Variants in KCNN2 observed in about 807,000 individuals in gnomAD.
The protein encoded by KCNN2 is potassium calcium-activated channel subfamily N member 2, also known as small conductance calcium-activated potassium channel protein 2.
Under a neutral mutation model 55.5 loss-of-function variants are expected in KCNN2, and 24 were observed. The observed-to-expected ratio is 0.43, with a 90% confidence interval of 0.31 to 0.61. The LOEUF is 0.61. Ranked by LOEUF, KCNN2 falls within the 20% of genes least tolerant of loss-of-function variation. The pLI, the probability that KCNN2 is intolerant of heterozygous loss-of-function variation, is 0.08. For missense variants in KCNN2, 754 were observed against 853.6 expected (o/e 0.88, Z 1.45); for synonymous variants, 431 against 336.1 (o/e 1.28, Z -3.09).
chr5:114,348,742 A>C (rs1757158526), intron 2 of KCNN2, among the ~76,000 whole-genome samples: 1 of 152,178 alleles, frequency 6.6e-6, no homozygotes, highest in African/African-American at 2.4e-5. Flanking sequence ...AAATGCATAG[A>C]TGATAGTCAC....
At chr5:114,097,098 G>A (rs1013923204) in intron 1 of KCNN2, among the ~76,000 whole-genome samples, 2 of 152,152 alleles carry the variant, frequency 1.3e-5, no homozygotes, top group African/African-American at 2.4e-5. Context: ...TATCCTGAAA[G>A]TATTAGATCC....
chr5:114,453,677 CCTCTT>C lies in KCNN2; in HGVS notation c.1638-9366_1638-9362del, dbSNP rs958380717. On this transcript the variant is annotated intron_variant, in intron 3 of 7. Transcript: ENST00000673685. The stretch of plus-strand genomic sequence containing the variant: ...TCTGAGAATGTATCTTTTTTGTTCT[CCTCTT>C]CTCTTTTTGCTTTTTTCTACTTTCT... Among the ~76,000 whole-genome samples the C allele has an allele frequency of 4.1e-4, 63 of 151,842 alleles. 1 individual carries two copies. Among genetic ancestry groups the C allele is most frequent in the African/African-American group, 1.4e-3 (60 of 41,404 alleles).
chr5:114,409,616 G>T (rs1045336678), intron 3 of KCNN2, among the ~76,000 whole-genome samples: 3 of 152,140 alleles, frequency 2.0e-5, no homozygotes, highest in Non-Finnish European at 4.4e-5. Context: ...TATCTAAAAA[G>T]AGACTTAGAT....
chr5:114,309,946 C>T (rs937137215), intron 2 of KCNN2, among the ~76,000 whole-genome samples: 1 of 152,184 alleles, frequency 6.6e-6, no homozygotes, highest in East Asian at 1.9e-4. Context: ...AACAACTCTG[C>T]TGTCCTTCAG....
At chr5:114,379,458 TTA>T (rs1758037829) in intron 2 of KCNN2, among the ~76,000 whole-genome samples, 1 of 123,518 alleles carries the variant, frequency 8.1e-6, no homozygotes. Context: ...ATAGAATATA[TTA>T]TATAACATAT....
rs774956540 is a variant in KCNN2 at position 114,463,190 on chromosome 5, G to GGTAA, written c.1779+3_1779+6dup. On this transcript the variant is annotated frameshift_variant and splice_region_variant. Coordinates refer to ENST00000673685, the MANE Select transcript of KCNN2 (RefSeq NM_021614.4). LOFTEE classifies it high-confidence loss of function. ...GAGTCTGCTTACTTACTGGAATTATGGTAAGTGTCTTTATACTTCACATCT... is the reference window on the plus strand; with the variant it reads ...GAGTCTGCTTACTTACTGGAATTATGGTAAGTAAGTGTCTTTATACTTCACATCT... 64 of 1,609,992 alleles carry GGTAA rather than the reference G, an allele frequency of 4.0e-5. No homozygotes were observed. Among genetic ancestry groups the GGTAA allele is most frequent in the Middle Eastern group, 1.7e-4 (1 of 6,054 alleles).
chr5:114,062,381 C>T (rs1167545456), intron 1 of KCNN2, among the ~76,000 whole-genome samples: 1 of 152,166 alleles, frequency 6.6e-6, no homozygotes, highest in East Asian at 1.9e-4. Flanking sequence ...CACCCTACCT[C>T]CACAGACCTG....
chr5:114,472,725 T>TATTATAATTATAGGTATATA (rs1761807857), intron 4 of KCNN2, among the ~76,000 whole-genome samples: 1 of 152,220 alleles, frequency 6.6e-6, no homozygotes, highest in Non-Finnish European at 1.5e-5. Flanking sequence ...TATTTGTTCC[T>TATTATAATTATAGGTATATA]ATTATAATTA....
At chr5:114,403,989 G>A (rs991894726) in intron 2 of KCNN2, among the ~76,000 whole-genome samples, 3 of 152,196 alleles carry the variant, frequency 2.0e-5, no homozygotes, top group African/African-American at 7.2e-5. Context: ...CTCATGTGTT[G>A]TTGCATTATA....
In KCNN2 at chr5:114,143,985, A is replaced by C. The variant is rs1033702640; in HGVS notation, c.-270-77495A>C. ...AAAATTAACGATTGTGGATCCTCCC[A>C]AAAATTTTACCCATTGAATGGTGTT... is the stretch of plus-strand genomic sequence containing the variant. On this transcript the variant is annotated intron_variant, in intron 1 of 10. Coordinates refer to the KCNN2 transcript ENST00000512097. Among the ~76,000 whole-genome samples the C allele has an allele frequency of 2.9e-3, 443 of 152,322 alleles. 4 individuals are homozygous for C. Among genetic ancestry groups the C allele is most frequent in the African/African-American group, 0.01 (428 of 41,582 alleles).
chr5:114,400,872 A>G (rs980686618), intron 2 of KCNN2, among the ~76,000 whole-genome samples: 4 of 152,112 alleles, frequency 2.6e-5, no homozygotes, highest in African/African-American at 7.2e-5. Flanking sequence ...GTCATCTCTA[A>G]TGCATTATTC....
intron 1 of KCNN2, among the ~76,000 whole-genome samples, chr5:114,219,308 G>T (rs1360311574): frequency 6.6e-6 from 1 of 152,228 alleles, no homozygotes; most frequent in African/African-American, 2.4e-5. Flanking sequence ...CAGTGTGACA[G>T]CCTTTTGTAT....
intron 1 of KCNN2, among the ~76,000 whole-genome samples, chr5:114,076,594 G>C (rs888807349): frequency 6.6e-6 from 1 of 152,128 alleles, no homozygotes; most frequent in Non-Finnish European, 1.5e-5. Flanking sequence ...TCCAAATATA[G>C]CTCTTATTTC....
At chr5:114,255,546 C>CTGGG (rs1754964703) in intron 2 of KCNN2, among the ~76,000 whole-genome samples, 1 of 152,112 alleles carries the variant, frequency 6.6e-6, no homozygotes, top group Non-Finnish European at 1.5e-5. Flanking sequence ...AGGCAGGAGC[C>CTGGG]AGATAAGGCA....
intron 4 of KCNN2, among the ~76,000 whole-genome samples, chr5:114,467,818 C>G (rs1015745896): frequency 1.3e-5 from 2 of 152,184 alleles, no homozygotes; most frequent in East Asian, 3.9e-4. Context: ...TTTTTCTAAA[C>G]TATCAGCACT....
At chr5:114,133,866 G>A (rs1166013878) in intron 1 of KCNN2, among the ~76,000 whole-genome samples, 1 of 152,144 alleles carries the variant, frequency 6.6e-6, no homozygotes, top group Non-Finnish European at 1.5e-5. Context: ...AAAATGCACA[G>A]ATTCTGATTT....
At chr5:114,180,241 C>T (rs969795655) in intron 1 of KCNN2, among the ~76,000 whole-genome samples, 2 of 152,052 alleles carry the variant, frequency 1.3e-5, no homozygotes, top group African/African-American at 4.8e-5. Context: ...AATTTGAGCT[C>T]GTGATCTTCT....
At chr5:114,197,090 C>A (rs1753573027) in intron 1 of KCNN2, among the ~76,000 whole-genome samples, 2 of 152,078 alleles carry the variant, frequency 1.3e-5, no homozygotes, top group African/African-American at 4.8e-5. Context: ...ATGATTCCTT[C>A]TTTGACCAGT....
intron 1 of KCNN2, among the ~76,000 whole-genome samples, chr5:114,154,289 G>T (rs139483712): frequency 6.6e-6 from 1 of 152,114 alleles, no homozygotes; most frequent in Non-Finnish European, 1.5e-5. Context: ...AGAAACATGA[G>T]CCCATAAAGG....
Sources: allele counts gnomAD v4.1 joint callset (sites outside exome capture counted in the v4.1 genomes callset), GRCh38; gene constraint gnomAD v4.1.1; transcripts MANE v1.5; gene names NCBI Gene and HGNC (gene_info 2026-07-23, HGNC 2026-07-21).